Variants in GM2A observed in about 807,000 individuals in gnomAD.
GM2A encodes ganglioside GM2 activator.
Under a neutral mutation model 12.9 loss-of-function variants are expected in GM2A, and 7 were observed. The observed-to-expected ratio is 0.54, with a 90% CI of 0.31 to 1.02. GM2A has a LOEUF of 1.02. Ranked by LOEUF, GM2A falls within the 50% of genes least tolerant of loss-of-function variation. GM2A has a pLI of 0.05. For missense variants in GM2A, 246 were observed against 241.0 expected, an observed-to-expected ratio of 1.02 and a Z score of -0.14; for synonymous variants, 101 against 96.0, an observed-to-expected ratio of 1.05 and a Z score of -0.30.
Position 151,260,280 on chromosome 5 carries a change from G to A in GM2A, c.243+364G>A, listed in dbSNP as rs1052000760. 7.9e-5 allele frequency among the ~76,000 whole-genome samples: 12 copies of A among 152,132 alleles called. No homozygotes were observed. The East Asian group carries it at 1.2e-3, about 15-fold the overall frequency. On this transcript the variant is annotated intron_variant, in intron 2 of 3. Coordinates refer to ENST00000357164, the MANE Select transcript of GM2A (RefSeq NM_000405.5). The stretch of plus-strand genomic sequence containing the variant: ...AATTATAAAATTGATATACCAATTA[G>A]CCAGTAATATATAGTCACTTTAGAA...
At position 151,259,835 on chromosome 5, in the gene GM2A, G is replaced by C. The variant is rs1486535185; in HGVS notation, c.162G>C (p.Glu54Asp). 6.2e-7 allele frequency: 1 copy of C among 1,613,202 alleles called. No homozygotes were observed. The highest frequency in any genetic ancestry group is 8.5e-7 in the Non-Finnish European group (1 of 1,179,156). ...CGGTGATCAGAAGCCTGACTCTGGA[G>C]CCTGACCCCATCATCGTTCCTGGAA... ...DPAVIRSLTL[E>D]PDPIIVPGNV... Residue 54 changes from glutamate (E) to aspartate (D), a missense_variant, in exon 2 of 4, where the codon GAG becomes GAC. Coordinates refer to ENST00000357164, the MANE Select transcript of GM2A (RefSeq NM_000405.5).
intron 1 of GM2A, among the ~76,000 whole-genome samples, chr5:151,255,331 A>G (rs1481168974): frequency 6.6e-6 from 1 of 152,150 alleles, no homozygotes; most frequent in African/African-American, 2.4e-5. Context: ...CAAAAACCCG[A>G]TTCCATTGCC....
chr5:151,267,384 G>T lies in GM2A; in HGVS notation c.515G>T (p.Ser172Ile). 6.2e-7 allele frequency: 1 copy of T among 1,614,168 alleles called. No individual in the cohort carries two copies. Among genetic ancestry groups the T allele is most frequent in the African/African-American group, 1.3e-5 (1 of 75,030 alleles). ...WLTTGNYRIESVLSSSGKRLG... is the reference protein window; with the variant it reads ...WLTTGNYRIEIVLSSSGKRLG... ...ACCACCGGGAACTACCGCATAGAGA[G>T]CGTCCTGAGCAGCAGTGGGAAGCGT... Residue 172 changes from serine to isoleucine, a missense_variant, in exon 4 of 4, where the codon AGC becomes ATC. Coordinates refer to ENST00000357164, the MANE Select transcript of GM2A (RefSeq NM_000405.5).
intron 1 of GM2A, among the ~76,000 whole-genome samples, chr5:151,258,086 C>T (rs1006814571): frequency 5.3e-5 from 8 of 152,226 alleles, no homozygotes; most frequent in Non-Finnish European, 1.0e-4. Flanking sequence ...TTGAAGGAAA[C>T]ATTTAGTGGC....
At position 151,253,274 on chromosome 5, in the gene GM2A, CCTGCG is replaced by C. The variant is rs1169731075; in HGVS notation, c.60_64del (p.Ala21SerfsTer11). ...CGCCCTGGGCTTGCTTCTCGCGGCC[CCTGCG>C]CAAGCCCACCTGAAAAAGGTGAGTG... On this transcript the variant is annotated frameshift_variant, in exon 1 of 4. Transcript: ENST00000357164. LOFTEE classifies it high-confidence loss of function. 1 of 1,613,552 alleles carries C rather than the reference CCTGCG, an allele frequency of 6.2e-7. No homozygotes were observed. Among genetic ancestry groups the C allele is most frequent in the African/African-American group, 1.3e-5 (1 of 74,922 alleles).
rs35982513 is a variant in GM2A at position 151,268,161 on chromosome 5, C to CTTT, written c.*721_*723dup. ...TTCCAGGCTTGATTTCGATTTTTCGCTTTTTTTTTTTTTGAGACAGAATCT... is the reference window on the plus strand; with the variant it reads ...TTCCAGGCTTGATTTCGATTTTTCGCTTTTTTTTTTTTTTTTGAGACAGAATCT... On this transcript the variant is annotated 3_prime_UTR_variant, in exon 4 of 4. Transcript: ENST00000357164. The CTTT allele has an allele frequency of 1.0e-3, 859 of 842,086 alleles. No homozygotes were observed. Among genetic ancestry groups the CTTT allele is most frequent in the African/African-American group, 1.2e-3 (61 of 51,726 alleles). 52.2% of individuals were successfully genotyped at this position (842,086 alleles called of 1,614,324 possible).
At chr5:151,266,447 CAA>C (rs59997121) in intron 2 of GM2A, among the ~76,000 whole-genome samples, 25 of 106,064 alleles carry the variant, frequency 2.4e-4, no homozygotes, top group Admixed American at 3.9e-4. Flanking sequence ...AGCCATGATA[CAA>C]AAAAAAAAAA....
At chr5:151,262,846 G>C (rs946593249) in intron 2 of GM2A, among the ~76,000 whole-genome samples, 1 of 152,176 alleles carries the variant, frequency 6.6e-6, no homozygotes, top group African/African-American at 2.4e-5. Context: ...GGTGTTTCCA[G>C]GGAGGGGGCT....
intron 1 of GM2A, among the ~76,000 whole-genome samples, chr5:151,256,913 T>C (rs1306088285): frequency 6.6e-6 from 1 of 152,116 alleles, no homozygotes. Context: ...TGTTTATTCA[T>C]GAGCTTGGCA....
chr5:151,259,965 C>T (rs746984959), intron 2 of GM2A, 49 bp downstream of exon 2: 21 of 1,460,032 alleles, frequency 1.4e-5, no homozygotes, highest in Non-Finnish European at 9.6e-7. Flanking sequence ...GTCTGGCCAG[C>T]AGGGGTACTG....
chr5:151,257,100 C>A (rs937647996), intron 1 of GM2A, among the ~76,000 whole-genome samples: 1 of 152,136 alleles, frequency 6.6e-6, no homozygotes, highest in Non-Finnish European at 1.5e-5. Flanking sequence ...TAACTCATAC[C>A]TGTAGTACCC....
rs542598182 is a variant in GM2A at position 151,263,094 on chromosome 5, T to C, written c.243+3178T>C. ...TCCTTCTTTTTCCCCAATTTCTTTT[T>C]TTTTTTTTTTTTTTTTGAGATGGAG... On this transcript the variant is annotated intron_variant, in intron 2 of 3. Transcript: ENST00000357164. Among the ~76,000 whole-genome samples, 762 of 148,908 alleles carry C rather than the reference T, an allele frequency of 5.1e-3. 8 individuals are homozygous for C. The highest frequency in any genetic ancestry group is 0.017 in the African/African-American group (671 of 40,448).
intron 2 of GM2A, among the ~76,000 whole-genome samples, chr5:151,264,848 A>G (rs1274651537): frequency 6.6e-6 from 1 of 152,024 alleles, no homozygotes; most frequent in African/African-American, 2.4e-5. Flanking sequence ...CAGGCGTGGT[A>G]GCTCATGCCT....
chr5:151,268,537 G>A lies in GM2A; in HGVS notation c.*1086G>A. The A allele has an allele frequency of 1.0e-6, 1 of 985,416 alleles. No homozygotes were observed. The highest frequency in any genetic ancestry group is 1.2e-6 in the Non-Finnish European group (1 of 829,932). 61.0% of individuals were successfully genotyped at this position (985,416 alleles called of 1,614,324 possible). On this transcript the variant is annotated 3_prime_UTR_variant, in exon 4 of 4. Coordinates refer to ENST00000357164, the MANE Select transcript of GM2A (RefSeq NM_000405.5). Reference sequence around the variant, plus strand: ...ACAGCACATGTGCCCATTGATACAAGGCTGCTGAGGCCTGGTCTCCAGTTG... The same window carrying A: ...ACAGCACATGTGCCCATTGATACAAAGCTGCTGAGGCCTGGTCTCCAGTTG...
chr5:151,266,810 T>C lies in GM2A; in HGVS notation c.323T>C (p.Phe108Ser). 1 of 1,613,808 alleles carries C rather than the reference T, an allele frequency of 6.2e-7. No homozygotes were observed. The highest frequency in any genetic ancestry group is 2.2e-5 in the East Asian group (1 of 44,880). Residue 108 changes from phenylalanine (F) to serine (S), a missense_variant, in exon 3 of 4, where the codon TTT becomes TCT. Phe to Ser is a radical substitution (Grantham distance 155, BLOSUM62 -2). Transcript: ENST00000357164. The stretch of plus-strand genomic sequence containing the variant: ...ACAGACTACATTGGCAGCTGTACCT[T>C]TGAACACTTCTGTGATGTGCTTGAC... ...PCTDYIGSCT[F>S]EHFCDVLDML...
chr5:151,258,481 T>C (rs146371128), intron 1 of GM2A, among the ~76,000 whole-genome samples: 1 of 152,356 alleles, frequency 6.6e-6, no homozygotes, highest in East Asian at 1.9e-4. Context: ...CATTCACCCA[T>C]GTCTCTCCAA....
intron 2 of GM2A, among the ~76,000 whole-genome samples, chr5:151,266,040 G>A (rs1753879104): frequency 6.6e-6 from 1 of 152,232 alleles, no homozygotes; most frequent in Admixed American, 6.5e-5. Flanking sequence ...GAAGTCCTAT[G>A]CAGAAAAGGA....
rs770872418 is a variant in GM2A at position 151,267,551 on chromosome 5, A to C, written c.*100A>C. On this transcript the variant is annotated 3_prime_UTR_variant, in exon 4 of 4. Coordinates refer to ENST00000357164, the MANE Select transcript of GM2A (RefSeq NM_000405.5). ...AAACTCCCACTCTCTGCCCCCCTTT[A>C]ATCCCCTTTCTACAGTGAGTCCACT... 6.3e-7 allele frequency: 1 copy of C among 1,576,448 alleles called. No homozygotes were observed. The highest frequency in any genetic ancestry group is 8.6e-7 in the Non-Finnish European group (1 of 1,162,952).
Position 151,267,375 on chromosome 5 carries a change from G to A in GM2A, c.506G>A (p.Arg169His), listed in dbSNP as rs104893892. 125 of 1,614,172 alleles carry A rather than the reference G, an allele frequency of 7.7e-5. No individual in the cohort carries two copies. The highest frequency in any genetic ancestry group is 7.2e-4 in the African/African-American group (54 of 75,042). ...LPSWLTTGNY[R>H]IESVLSSSGK... ...AGTTGGCTCACCACCGGGAACTACC[G>A]CATAGAGAGCGTCCTGAGCAGCAGT... is the stretch of plus-strand genomic sequence containing the variant. Residue 169 changes from arginine to histidine, a missense_variant, in exon 4 of 4, where the codon CGC (arginine) becomes CAC (histidine). Coordinates refer to ENST00000357164, the MANE Select transcript of GM2A (RefSeq NM_000405.5).
Sources: allele counts gnomAD v4.1 joint callset (sites outside exome capture counted in the v4.1 genomes callset), GRCh38; gene constraint gnomAD v4.1.1; transcripts MANE v1.5; gene names NCBI Gene and HGNC (gene_info 2026-07-23, HGNC 2026-07-21).